The following LRRTM4 variants were observed in gnomAD, a reference collection of about 807,000 sequenced individuals.
The protein encoded by LRRTM4 is leucine-rich repeat transmembrane neuronal protein 4.
LRRTM4 carries 25 observed loss-of-function variants against 47.6 expected under a neutral mutation model. The ratio of observed to expected loss-of-function variants is 0.53; its 90% confidence interval spans 0.38 to 0.73. The LOEUF (loss-of-function observed/expected upper bound fraction) is 0.73. LRRTM4 is among the 30% of genes least tolerant of loss of function. LRRTM4 has a pLI of 0.00. For missense variants in LRRTM4, 638 were observed against 713.4 expected (o/e 0.89, Z 1.20); for synonymous variants, 311 against 269.5 (o/e 1.15, Z -1.51).
At chr2:77,049,423 A>T (rs1008006087) in intron 3 of LRRTM4, among the ~76,000 whole-genome samples, 1 of 151,558 alleles carries the variant, frequency 6.6e-6, no homozygotes, top group Non-Finnish European at 1.5e-5. Flanking sequence ...CCAACAGTGT[A>T]TAAGTGTTCT....
chr2:77,107,182 T>C (rs1671114474), intron 3 of LRRTM4, among the ~76,000 whole-genome samples: 1 of 152,078 alleles, frequency 6.6e-6, no homozygotes, highest in South Asian at 2.1e-4. Flanking sequence ...GATGCTAAAT[T>C]TCTAACTTTT....
intron 3 of LRRTM4, among the ~76,000 whole-genome samples, chr2:77,069,401 A>ATGTG (rs3058064): frequency 0.075 from 10,664 of 141,378 alleles, 529 homozygotes; most frequent in African/African-American, 0.18. Flanking sequence ...ACATTTCACT[A>ATGTG]TGTGTGTGTG....
rs539970650 is a variant in LRRTM4 at position 76,794,435 on chromosome 2, C to CTAT, written c.1552-45522_1552-45520dup. 2.2e-4 allele frequency among the ~76,000 whole-genome samples: 34 copies of CTAT among 152,280 alleles called. No homozygotes were observed. The South Asian group carries it at 2.9e-3, about 13-fold the overall frequency. ...TAATCGGCTTTACCAGATATTCCAG[C>CTAT]TATTTTGTTATAGTTGTGAACAATA... is the stretch of plus-strand genomic sequence containing the variant. On this transcript the variant is annotated intron_variant, in intron 3 of 3. Coordinates refer to ENST00000409884, the MANE Select transcript of LRRTM4 (RefSeq NM_001134745.3).
chr2:77,180,768 A>G (rs1172406072), intron 3 of LRRTM4, among the ~76,000 whole-genome samples: 1 of 152,160 alleles, frequency 6.6e-6, no homozygotes, highest in Admixed American at 6.6e-5. Context: ...CATAAGAGCT[A>G]TGTGAAAGAG....
chr2:77,419,493 G>T (rs566222226), intron 3 of LRRTM4, among the ~76,000 whole-genome samples: 9 of 151,950 alleles, frequency 5.9e-5, no homozygotes, highest in African/African-American at 2.2e-4. Context: ...AATACTTAAC[G>T]CAATGTAAGT....
At chr2:77,292,627 C>T (rs1279301636) in intron 3 of LRRTM4, among the ~76,000 whole-genome samples, 1 of 141,764 alleles carries the variant, frequency 7.1e-6, no homozygotes, top group Non-Finnish European at 1.5e-5. Context: ...TAGTCTCACT[C>T]ATAGGTGGGA....
At chr2:76,827,942 A>C (rs17405115) in intron 3 of LRRTM4, among the ~76,000 whole-genome samples, 62,716 of 151,702 alleles carry the variant, frequency 0.41, 13,582 homozygotes, top group East Asian at 0.68. Flanking sequence ...AGATGAAATG[A>C]AATAATAATT....
chr2:77,480,841 GAGA>G (rs1677671423), intron 3 of LRRTM4, among the ~76,000 whole-genome samples: 1 of 77,716 alleles, frequency 1.3e-5, no homozygotes, highest in Non-Finnish European at 2.8e-5. Flanking sequence ...GAGAGAGAGA[GAGA>G]GAGAGAGAGA....
chr2:77,517,120 C>T (rs1248836930), intron 3 of LRRTM4: 2 of 984,984 alleles, frequency 2.0e-6, no homozygotes, highest in East Asian at 2.3e-4. Context: ...TAATGATCAA[C>T]ATTACCAAGA....
intron 3 of LRRTM4, among the ~76,000 whole-genome samples, chr2:76,821,260 T>G (rs779626779): frequency 2.5e-4 from 38 of 151,822 alleles, no homozygotes; most frequent in Non-Finnish European, 4.9e-4. Context: ...TTTATTTAAA[T>G]GTATCCCAAA....
At chr2:77,151,143 ATGTATGTGTATATGTG>A (rs1465607277) in intron 3 of LRRTM4, among the ~76,000 whole-genome samples, 1 of 148,192 alleles carries the variant, frequency 6.7e-6, no homozygotes, top group Non-Finnish European at 1.5e-5. Flanking sequence ...GTGTGTGTGT[ATGTATGTGTATATGTG>A]TGTATGTGTA....
intron 3 of LRRTM4, among the ~76,000 whole-genome samples, chr2:77,457,004 GTATATATA>G (rs1171771344): frequency 6.4e-3 from 148 of 23,122 alleles, no homozygotes; most frequent in South Asian, 0.014. Flanking sequence ...GTGTGTGTGT[GTATATATA>G]TATATATATA....
intron 3 of LRRTM4, among the ~76,000 whole-genome samples, chr2:76,860,509 A>G (rs563039263): frequency 1.3e-5 from 2 of 152,178 alleles, no homozygotes; most frequent in South Asian, 2.1e-4. Context: ...CCCTTGTGCC[A>G]TAGGTTAGAT....
At chr2:77,435,178 T>TGA (rs1251203450) in intron 3 of LRRTM4, among the ~76,000 whole-genome samples, 1 of 152,070 alleles carries the variant, frequency 6.6e-6, no homozygotes, top group Non-Finnish European at 1.5e-5. Context: ...AGCCCCTGGT[T>TGA]GAGAAGCACT....
intron 3 of LRRTM4, among the ~76,000 whole-genome samples, chr2:77,476,988 GTGTGTGTGTA>G (rs774886982): frequency 0.011 from 1,141 of 99,622 alleles, 7 homozygotes; most frequent in African/African-American, 0.014. Flanking sequence ...GTGTGTGTGT[GTGTGTGTGTA>G]TGTGTGTACT....
At chr2:77,517,566 T>C in intron 3 of LRRTM4, 1 of 983,838 alleles carries the variant, frequency 1.0e-6, no homozygotes, top group South Asian at 4.7e-5. Context: ...TAAACACAAA[T>C]AGCCAGTGCA....
intron 3 of LRRTM4, among the ~76,000 whole-genome samples, chr2:76,759,779 A>G (rs950045491): frequency 1.3e-5 from 2 of 152,140 alleles, no homozygotes; most frequent in Non-Finnish European, 2.9e-5. Flanking sequence ...TTTTTCTGCA[A>G]TGGGCTTGAG....
chr2:77,426,443 C>T (rs575783395), intron 3 of LRRTM4, among the ~76,000 whole-genome samples: 1 of 152,218 alleles, frequency 6.6e-6, no homozygotes, highest in East Asian at 1.9e-4. Flanking sequence ...CTTTCCTTTC[C>T]TTTTAGAGTA....
chr2:76,794,341 A>C (rs956299402), intron 3 of LRRTM4, among the ~76,000 whole-genome samples: 1 of 152,214 alleles, frequency 6.6e-6, no homozygotes, highest in Non-Finnish European at 1.5e-5. Flanking sequence ...CAGAGAGGAA[A>C]GAAAGTGAAC....
Sources: allele counts gnomAD v4.1 joint callset (sites outside exome capture counted in the v4.1 genomes callset), GRCh38; gene constraint gnomAD v4.1.1; transcripts MANE v1.5; gene names NCBI Gene and HGNC (gene_info 2026-07-23, HGNC 2026-07-21).